Variants in KCNK2 observed in about 807,000 individuals in gnomAD.
KCNK2 encodes potassium channel subfamily K member 2.
Under a neutral mutation model 40.5 loss-of-function variants are expected in KCNK2, and 21 were observed. The observed-to-expected ratio is 0.52, with a 90% confidence interval of 0.37 to 0.75. The LOEUF (loss-of-function observed/expected upper bound fraction) is 0.75. Ranked by LOEUF, KCNK2 falls within the 30% of genes least tolerant of loss-of-function variation. The pLI is 0.00. For synonymous variants in KCNK2, 191 were observed against 202.2 expected (o/e 0.94, Z 0.47); for missense variants, 399 against 531.6 (o/e 0.75, Z 2.45).
At chr1:215,140,405 G>A (rs1662124035) in intron 3 of KCNK2, among the ~76,000 whole-genome samples, 1 of 152,136 alleles carries the variant, frequency 6.6e-6, no homozygotes, top group African/African-American at 2.4e-5. Context: ...CCTGAAAAAT[G>A]TGTCATTCAG....
intron 4 of KCNK2, among the ~76,000 whole-genome samples, chr1:215,169,855 A>C (rs578048455): frequency 6.6e-6 from 1 of 152,196 alleles, no homozygotes; most frequent in Admixed American, 6.6e-5. Context: ...CATGTTGGCC[A>C]GGTTGATCTT....
At position 215,108,480 on chromosome 1, in the gene KCNK2, G is replaced by T. The variant is rs74485996; in HGVS notation, c.358-16153G>T. Among the ~76,000 whole-genome samples the T allele has an allele frequency of 9.7e-3, 1,468 of 152,124 alleles. 22 individuals are homozygous for T. Among genetic ancestry groups the T allele is most frequent in the South Asian group, 0.061 (293 of 4,806 alleles). On this transcript the variant is annotated intron_variant, in intron 2 of 6. Coordinates refer to ENST00000444842, the MANE Select transcript of KCNK2 (RefSeq NM_001017425.3). ...TTATAGGTTACCTTTTCATTCTGCC[G>T]ATTGTTCCTTGGCTGCCCAGAAGCT...
At chr1:215,080,022 G>A (rs866078171), upstream of KCNK2, among the ~76,000 whole-genome samples, 4 of 152,052 alleles carry the variant, frequency 2.6e-5, no homozygotes, top group African/African-American at 4.8e-5. Context: ...ATGAATGTGG[G>A]GCCTAATAAT....
intron 1 of KCNK2, among the ~76,000 whole-genome samples, chr1:215,027,069 A>C (rs1308394226): frequency 6.6e-6 from 1 of 151,948 alleles, no homozygotes; most frequent in East Asian, 1.9e-4. Flanking sequence ...AGGAAGGAAA[A>C]ATTTATTAAG....
intron 1 of KCNK2, among the ~76,000 whole-genome samples, chr1:215,048,239 A>G (rs964687178): frequency 5.3e-5 from 8 of 152,282 alleles, no homozygotes; most frequent in Non-Finnish European, 8.8e-5. Flanking sequence ...TCTTTTATCA[A>G]TTGTGAATTT....
intron 1 of KCNK2, among the ~76,000 whole-genome samples, chr1:215,023,835 T>C (rs554115288): frequency 1.3e-5 from 2 of 152,248 alleles, no homozygotes; most frequent in Non-Finnish European, 2.9e-5. Context: ...TTATCTGAGA[T>C]GTGTCCAACC....
intron 4 of KCNK2, among the ~76,000 whole-genome samples, chr1:215,171,165 T>C (rs958601120): frequency 6.6e-6 from 1 of 152,160 alleles, no homozygotes; most frequent in South Asian, 2.1e-4. Context: ...AGATTTAAAA[T>C]ATATGGTAAC....
At chr1:215,169,556 A>G (rs1225779994) in intron 4 of KCNK2, among the ~76,000 whole-genome samples, 197 bp downstream of exon 4, 2 of 152,144 alleles carry the variant, frequency 1.3e-5, no homozygotes, top group African/African-American at 4.8e-5. Context: ...AAATTGATGC[A>G]TGAGAAAAAC....
intron 1 of KCNK2, among the ~76,000 whole-genome samples, chr1:215,036,817 T>C (rs1657401570): frequency 6.6e-6 from 1 of 151,932 alleles, no homozygotes. Flanking sequence ...AATTTGATTT[T>C]CCAATTGTTT....
intron 1 of KCNK2, among the ~76,000 whole-genome samples, chr1:215,011,766 C>T (rs935380587): frequency 1.3e-5 from 2 of 151,910 alleles, no homozygotes; most frequent in Admixed American, 1.3e-4. Flanking sequence ...CTACCACGCC[C>T]AGCTATATTT....
At chr1:215,059,910 C>T (rs1347862573) in intron 1 of KCNK2, among the ~76,000 whole-genome samples, 1 of 152,154 alleles carries the variant, frequency 6.6e-6, no homozygotes, top group African/African-American at 2.4e-5. Context: ...GCATCTGTTC[C>T]CTTTTAGAGA....
chr1:215,083,658 G>C (rs1659288165), intron 1 of KCNK2: 1 of 601,384 alleles, frequency 1.7e-6, no homozygotes, highest in Non-Finnish European at 3.0e-6. Context: ...TTTTGCATCT[G>C]CCTGAGGTAT....
At chr1:215,220,821 T>C (rs1381299515) in intron 6 of KCNK2, among the ~76,000 whole-genome samples, 1 of 146,946 alleles carries the variant, frequency 6.8e-6, no homozygotes, top group South Asian at 2.2e-4. Flanking sequence ...TGACTTAAAG[T>C]TGCAGTCCAC....
intron 3 of KCNK2, among the ~76,000 whole-genome samples, chr1:215,153,278 G>T (rs1385824006): frequency 1.3e-5 from 2 of 152,086 alleles, no homozygotes; most frequent in African/African-American, 4.8e-5. Flanking sequence ...ATCATTATGG[G>T]TGTCTGAAAT....
intron 6 of KCNK2, among the ~76,000 whole-genome samples, chr1:215,206,569 G>A (rs1380886208): frequency 1.3e-5 from 2 of 152,036 alleles, no homozygotes; most frequent in African/African-American, 4.8e-5. Context: ...ATCCTGTTCT[G>A]ATTACATACA....
At chr1:215,067,241 A>G (rs955606643) in intron 1 of KCNK2, among the ~76,000 whole-genome samples, 1 of 152,190 alleles carries the variant, frequency 6.6e-6, no homozygotes. Flanking sequence ...TACATAATTC[A>G]TGTATCAAAA....
intron 1 of KCNK2, among the ~76,000 whole-genome samples, chr1:215,057,306 G>T (rs2102504606): frequency 6.6e-6 from 1 of 151,826 alleles, no homozygotes; most frequent in East Asian, 1.9e-4. Context: ...TCTTTTAAGT[G>T]CTTATAACCC....
At chr1:215,057,169 T>C (rs967942167) in intron 1 of KCNK2, among the ~76,000 whole-genome samples, 10 of 152,020 alleles carry the variant, frequency 6.6e-5, no homozygotes, top group African/African-American at 2.2e-4. Flanking sequence ...AAGCCCATGC[T>C]TGGGACAATA....
chr1:215,007,806 G>A (rs1205781238), intron 1 of KCNK2, among the ~76,000 whole-genome samples: 2 of 152,012 alleles, frequency 1.3e-5, no homozygotes, highest in East Asian at 1.9e-4. Context: ...TAAGCTTAAC[G>A]TTGGATAAGC....
Sources: gnomAD v4.1 joint callset for allele counts (sites outside exome capture counted in the v4.1 genomes callset) on GRCh38, gnomAD v4.1.1 for gene constraint, MANE v1.5 for transcripts, NCBI Gene and HGNC (gene_info 2026-07-23, HGNC 2026-07-21) for gene names.